The following FYN variants were observed in gnomAD, a reference collection of about 807,000 sequenced individuals.
FYN encodes the protein FYN proto-oncogene, Src family tyrosine kinase.
Under a neutral mutation model 70.2 loss-of-function variants are expected in FYN, and 10 were observed. The ratio of observed to expected loss-of-function variants is 0.14; its 90% CI spans 0.09 to 0.24. FYN has a LOEUF of 0.24. FYN is among the 10% of genes least tolerant of loss of function. The pLI is 1.00. For synonymous variants in FYN, 236 were observed against 248.6 expected (o/e 0.95, Z 0.48); for missense variants, 319 against 673.1 (o/e 0.47, Z 5.82).
chr6:111,747,562 T>TC (rs1802283438), intron 3 of FYN, among the ~76,000 whole-genome samples: 1 of 152,178 alleles, frequency 6.6e-6, no homozygotes, highest in African/African-American at 2.4e-5. Context: ...GGTCAGCTCC[T>TC]CCCCCTGACA....
At chr6:111,802,535 T>G (rs1772021932) in intron 2 of FYN, among the ~76,000 whole-genome samples, 1 of 151,970 alleles carries the variant, frequency 6.6e-6, no homozygotes, top group Non-Finnish European at 1.5e-5. Context: ...TGGGTTCAAG[T>G]GATTCTCCTG....
intron 2 of FYN, among the ~76,000 whole-genome samples, chr6:111,817,688 C>T (rs544321535): frequency 1.3e-4 from 20 of 152,328 alleles, no homozygotes; most frequent in Admixed American, 1.2e-3. Flanking sequence ...CGGCTCCTCA[C>T]ACAAAGACCT....
At chr6:111,749,964 C>T (rs1375083109) in intron 3 of FYN, among the ~76,000 whole-genome samples, 5 of 152,050 alleles carry the variant, frequency 3.3e-5, no homozygotes, top group Admixed American at 3.3e-4. Context: ...TAATTTGCAT[C>T]CCCACATCTG....
At chr6:111,774,695 TC>T in intron 3 of FYN, among the ~76,000 whole-genome samples, 1 of 151,670 alleles carries the variant, frequency 6.6e-6, no homozygotes. Context: ...TGCAGCTTTT[TC>T]CCCCCCTACT....
intron 2 of FYN, among the ~76,000 whole-genome samples, chr6:111,840,439 T>A (rs141902368): frequency 1.3e-4 from 20 of 152,250 alleles, no homozygotes; most frequent in African/African-American, 4.6e-4. Context: ...CACTAGAAGC[T>A]GGAAAGACAG....
At chr6:111,809,438 T>C (rs1772254238) in intron 2 of FYN, among the ~76,000 whole-genome samples, 1 of 152,236 alleles carries the variant, frequency 6.6e-6, no homozygotes, top group African/African-American at 2.4e-5. Context: ...CACGAGTCTC[T>C]TGAGTCCTCT....
intron 1 of FYN, among the ~76,000 whole-genome samples, chr6:111,850,832 A>C (rs1013419326): frequency 2.6e-5 from 4 of 152,216 alleles, no homozygotes; most frequent in Non-Finnish European, 5.9e-5. Context: ...TGTGTGCCCA[A>C]CAGCTGGGTT....
intron 13 of FYN, among the ~76,000 whole-genome samples, chr6:111,673,600 C>T (rs1329864595): frequency 5.0e-5 from 7 of 140,014 alleles, no homozygotes; most frequent in Admixed American, 2.3e-4. Flanking sequence ...CCTCATTAAT[C>T]GTCACTATCG....
intron 2 of FYN, among the ~76,000 whole-genome samples, chr6:111,786,043 C>A (rs974139988): frequency 6.6e-6 from 1 of 150,750 alleles, no homozygotes; most frequent in Admixed American, 6.7e-5. Flanking sequence ...TGTATACGTG[C>A]CACATTCTTT....
intron 2 of FYN, among the ~76,000 whole-genome samples, chr6:111,805,629 C>T (rs1479014738): frequency 1.3e-5 from 2 of 152,148 alleles, no homozygotes. Flanking sequence ...CACATCCCAC[C>T]TGGCTCCCTT....
chr6:111,701,442 G>A lies in FYN; in HGVS notation c.698-1174C>T, dbSNP rs549480807. ...TTTCTTTTTGATGGAATCAGGCTCT[G>A]AGATGTTTAGGTAGGAAATTATTTA... On this transcript the variant is annotated intron_variant, in intron 8 of 13. Coordinates refer to ENST00000354650, the MANE Select transcript of FYN (RefSeq NM_002037.5). 3.3e-5 allele frequency among the ~76,000 whole-genome samples: 5 copies of A among 152,240 alleles called. No homozygotes were observed. The East Asian group carries it at 9.6e-4, about 29-fold the overall frequency.
intron 9 of FYN, among the ~76,000 whole-genome samples, chr6:111,699,331 A>G (rs912034210): frequency 1.3e-5 from 2 of 152,126 alleles, no homozygotes; most frequent in Non-Finnish European, 2.9e-5. Flanking sequence ...AATTAACCAC[A>G]TGAAGTAGGA....
At chr6:111,747,327 G>A (rs906245674) in intron 3 of FYN, among the ~76,000 whole-genome samples, 1 of 152,308 alleles carries the variant, frequency 6.6e-6, no homozygotes, top group Admixed American at 6.5e-5. Context: ...CTTGCTGAAA[G>A]GGCTTATTAA....
At chr6:111,786,265 T>C (rs1158537036) in intron 2 of FYN, among the ~76,000 whole-genome samples, 1 of 152,024 alleles carries the variant, frequency 6.6e-6, no homozygotes, top group African/African-American at 2.4e-5. Flanking sequence ...TGTGTCCAAG[T>C]TTTTTCATTG....
chr6:111,846,312 G>A (rs2114477975), intron 2 of FYN, among the ~76,000 whole-genome samples: 1 of 152,220 alleles, frequency 6.6e-6, no homozygotes, highest in South Asian at 2.1e-4. Flanking sequence ...TTCTGGGGTG[G>A]GAGCCATAAC....
chr6:111,663,431 G>A (rs1420320736), intron 13 of FYN, among the ~76,000 whole-genome samples: 2 of 152,310 alleles, frequency 1.3e-5, no homozygotes, highest in African/African-American at 2.4e-5. Context: ...CTCGGACTTC[G>A]GGGTCTGTTG....
chr6:111,779,807 C>A (rs1210212389), intron 3 of FYN, among the ~76,000 whole-genome samples: 2 of 152,176 alleles, frequency 1.3e-5, no homozygotes, highest in African/African-American at 2.4e-5. Context: ...TGTCTAGTCT[C>A]CAAACAAGGC....
At chr6:111,680,575 A>G (rs1798738996) in intron 12 of FYN, among the ~76,000 whole-genome samples, 1 of 152,242 alleles carries the variant, frequency 6.6e-6, no homozygotes, top group African/African-American at 2.4e-5. Flanking sequence ...ATGACTTATG[A>G]TGAGACAGAA....
intron 2 of FYN, among the ~76,000 whole-genome samples, chr6:111,823,443 C>A (rs553075408): frequency 1.3e-5 from 2 of 152,276 alleles, no homozygotes; most frequent in East Asian, 3.9e-4. Flanking sequence ...AATATGGGGG[C>A]CACCTCAAGC....
Sources: allele counts gnomAD v4.1 joint callset (sites outside exome capture counted in the v4.1 genomes callset), GRCh38; gene constraint gnomAD v4.1.1; transcripts MANE v1.5; gene names NCBI Gene and HGNC (gene_info 2026-07-23, HGNC 2026-07-21).